The following TSHZ1 variants were observed in gnomAD, a reference collection of about 807,000 sequenced individuals.
TSHZ1 encodes teashirt zinc finger homeobox 1, also known as teashirt homolog 1.
Under a neutral mutation model 67.1 loss-of-function variants are expected in TSHZ1, and 12 were observed. The ratio of observed to expected loss-of-function variants is 0.18; its 90% CI spans 0.11 to 0.29. The LOEUF is 0.29. Among genes scored for constraint, TSHZ1 ranks in the 10% least tolerant of loss-of-function variants. The probability of loss-of-function intolerance (pLI) is 1.00; values close to 1 mark genes in which losing one functional copy is unlikely to be tolerated. For synonymous variants in TSHZ1, 632 were observed against 622.4 expected, an observed-to-expected ratio of 1.02 and a Z score of -0.23; for missense variants, 1,305 against 1,413.9, an observed-to-expected ratio of 0.92 and a Z score of 1.23.
In TSHZ1 at chr18:75,285,525, A is replaced by G. The variant is rs779789734; in HGVS notation, c.118A>G (p.Ile40Val). Residue 40 changes from isoleucine (I) to valine (V), a missense_variant, in exon 2 of 2, where the codon ATT (isoleucine) becomes GTT (valine). Coordinates refer to ENST00000580243, the MANE Select transcript of TSHZ1 (RefSeq NM_001308210.2). ...GGAGGATGACGGGCTGTCTTTGGAC[A>G]TTCAGGAAAGTGAGTACATGTGCAA... is the stretch of plus-strand genomic sequence containing the variant. ...HVEDDGLSLD[I>V]QESEYMCNEE... 1.3e-6 allele frequency: 2 copies of G among 1,549,446 alleles called. No individual in the cohort carries two copies. Among genetic ancestry groups the G allele is most frequent in the East Asian group, 2.3e-5 (1 of 44,004 alleles).
chr18:75,246,397 GT>G, intron 1 of TSHZ1, among the ~76,000 whole-genome samples: 1 of 48,044 alleles, frequency 2.1e-5, no homozygotes, highest in East Asian at 5.5e-4. Flanking sequence ...GGTGTTTTTG[GT>G]TTCTGGTGTG....
chr18:75,217,321 C>T (rs2022782903), intron 1 of TSHZ1, among the ~76,000 whole-genome samples: 1 of 152,202 alleles, frequency 6.6e-6, no homozygotes, highest in Non-Finnish European at 1.5e-5. Flanking sequence ...AACTTGACAA[C>T]CTGTAAGGGA....
At chr18:75,273,774 A>T (rs971446659) in intron 1 of TSHZ1, among the ~76,000 whole-genome samples, 2 of 152,236 alleles carry the variant, frequency 1.3e-5, no homozygotes, top group African/African-American at 4.8e-5. Context: ...ATTGGCATCC[A>T]GAAGGCACAT....
chr18:75,213,646 G>T (rs1599366008), intron 1 of TSHZ1, among the ~76,000 whole-genome samples: 1 of 151,502 alleles, frequency 6.6e-6, no homozygotes, highest in East Asian at 1.9e-4. Context: ...TTAAATAAAA[G>T]GTTTGAAAGT....
intron 1 of TSHZ1, among the ~76,000 whole-genome samples, chr18:75,250,392 C>T (rs2023284803): frequency 6.6e-6 from 1 of 152,242 alleles, no homozygotes; most frequent in South Asian, 2.1e-4. Flanking sequence ...TTGCCTCCCC[C>T]TGTGGGCTCT....
At chr18:75,272,060 C>T (rs1033365952) in intron 1 of TSHZ1, among the ~76,000 whole-genome samples, 1 of 152,184 alleles carries the variant, frequency 6.6e-6, no homozygotes, top group African/African-American at 2.4e-5. Context: ...TACTTCCATT[C>T]CAATGTTGCC....
chr18:75,236,634 G>A (rs1027987042), intron 1 of TSHZ1, among the ~76,000 whole-genome samples: 3 of 152,148 alleles, frequency 2.0e-5, no homozygotes, highest in Admixed American at 6.5e-5. Context: ...GGTTTTGTCC[G>A]TTTTGTTCAT....
intron 1 of TSHZ1, among the ~76,000 whole-genome samples, chr18:75,249,111 G>A (rs986612464): frequency 5.9e-5 from 9 of 152,126 alleles, no homozygotes; most frequent in African/African-American, 9.7e-5. Context: ...CTGCCTACCC[G>A]GGGCTCTGGG....
chr18:75,242,791 T>G (rs111454988), intron 1 of TSHZ1, among the ~76,000 whole-genome samples: 1 of 152,332 alleles, frequency 6.6e-6, no homozygotes, highest in South Asian at 2.1e-4. Flanking sequence ...GTTGCTTGGA[T>G]TTTATGGCCA....
chr18:75,258,403 C>T (rs1023384089), intron 1 of TSHZ1, among the ~76,000 whole-genome samples: 41 of 152,264 alleles, frequency 2.7e-4, no homozygotes, highest in African/African-American at 9.6e-4. Context: ...TCAATAAGTA[C>T]ACATGGGCAT....
chr18:75,230,824 G>T (rs566048795), intron 1 of TSHZ1, among the ~76,000 whole-genome samples: 1 of 152,132 alleles, frequency 6.6e-6, no homozygotes, highest in African/African-American at 2.4e-5. Context: ...AAAATTACTT[G>T]ACTGGAAACT....
At chr18:75,261,171 C>T (rs1238289788) in intron 1 of TSHZ1, among the ~76,000 whole-genome samples, 3 of 151,812 alleles carry the variant, frequency 2.0e-5, no homozygotes, top group Admixed American at 2.0e-4. Flanking sequence ...ACTACCCCGC[C>T]AAGTAGGAAA....
intron 1 of TSHZ1, among the ~76,000 whole-genome samples, chr18:75,253,761 C>T (rs1215193534): frequency 6.6e-6 from 1 of 152,206 alleles, no homozygotes; most frequent in Non-Finnish European, 1.5e-5. Flanking sequence ...AGGGAAAGGA[C>T]CTGATTTTTT....
At chr18:75,264,484 A>ATTT (rs60144564) in intron 1 of TSHZ1, among the ~76,000 whole-genome samples, 3,508 of 146,480 alleles carry the variant, frequency 0.024, 152 homozygotes, top group African/African-American at 0.081. Flanking sequence ...ACACTGACAG[A>ATTT]TTTTTTTTTT....
intron 1 of TSHZ1, among the ~76,000 whole-genome samples, chr18:75,258,969 A>C (rs1053177894): frequency 2.0e-5 from 3 of 152,214 alleles, no homozygotes; most frequent in Non-Finnish European, 4.4e-5. Flanking sequence ...TTGACATTTT[A>C]TAAGAAAAGG....
At chr18:75,214,079 A>G (rs1211111787) in intron 1 of TSHZ1, among the ~76,000 whole-genome samples, 1 of 152,224 alleles carries the variant, frequency 6.6e-6, no homozygotes, top group Non-Finnish European at 1.5e-5. Flanking sequence ...AGGGTTTATT[A>G]TCTCTACTTT....
At position 75,287,902 on chromosome 18, in the gene TSHZ1, T is replaced by G. The variant is rs2023802835; in HGVS notation, c.2495T>G (p.Leu832Arg). The G allele has an allele frequency of 6.2e-7, 1 of 1,614,192 alleles. No homozygotes were observed. The highest frequency in any genetic ancestry group is 1.1e-5 in the South Asian group (1 of 91,086). Residue 832 changes from leucine (L) to arginine (R), a missense_variant, in exon 2 of 2, where the codon CTG (leucine) becomes CGG (arginine). Leu to Arg is a moderately radical substitution (Grantham distance 102). This residue lies in a region of TSHZ1 where 909 missense variants were observed against 961.8 expected (regional missense o/e 0.95). Coordinates refer to ENST00000580243, the MANE Select transcript of TSHZ1 (RefSeq NM_001308210.2). The surrounding 1 kb of genome is among the most constrained non-coding windows in gnomAD (Gnocchi z 5.0). Reference protein sequence around the residue: ...SSVADSVASPLRESALMDISD... With the variant: ...SSVADSVASPRRESALMDISD... ...GTGGCTGATTCGGTGGCATCACCTC[T>G]GCGGGAGAGCGCACTCATGGACATC...
At chr18:75,213,521 A>G (rs1212682357) in intron 1 of TSHZ1, among the ~76,000 whole-genome samples, 7 of 152,022 alleles carry the variant, frequency 4.6e-5, no homozygotes, top group Admixed American at 4.6e-4. Context: ...TCAGAAAACT[A>G]CTCCTGTACT....
intron 1 of TSHZ1, among the ~76,000 whole-genome samples, chr18:75,239,902 G>C (rs866021155): frequency 3.9e-5 from 6 of 152,294 alleles, no homozygotes; most frequent in Middle Eastern, 3.4e-3. Flanking sequence ...TGGGTGTTGG[G>C]GGCAGCCCAG....
Sources: allele counts gnomAD v4.1 joint callset (sites outside exome capture counted in the v4.1 genomes callset), GRCh38; gene constraint gnomAD v4.1.1; regional missense constraint gnomAD v4.1.1; non-coding constraint Gnocchi (gnomAD v3.1); transcripts MANE v1.5; gene names NCBI Gene and HGNC (gene_info 2026-07-23, HGNC 2026-07-21).